The following PIEZO2 variants were observed in gnomAD, a reference collection of about 807,000 sequenced individuals.
PIEZO2 encodes the protein piezo-type mechanosensitive ion channel component 2.
PIEZO2 carries 172 observed loss-of-function variants against 337.3 expected under a neutral mutation model. That is an observed-to-expected ratio of 0.51 (90% CI 0.45 to 0.58). PIEZO2 has a LOEUF of 0.58. Ranked by LOEUF, PIEZO2 falls within the 20% of genes least tolerant of loss-of-function variation. The pLI is 0.00. For missense variants in PIEZO2, 3,028 were observed against 3,391.3 expected (o/e 0.89, Z 2.66); for synonymous variants, 1,251 against 1,228.5 (o/e 1.02, Z -0.38).
chr18:11,024,516 A>C (rs1479621509), intron 2 of PIEZO2, among the ~76,000 whole-genome samples: 2 of 144,576 alleles, frequency 1.4e-5, no homozygotes, highest in African/African-American at 2.6e-5. Flanking sequence ...ACTGCACTCC[A>C]GCCTGGGCGA....
chr18:10,991,694 G>A (rs2035111653), intron 2 of PIEZO2, among the ~76,000 whole-genome samples: 2 of 152,036 alleles, frequency 1.3e-5, no homozygotes, highest in African/African-American at 4.8e-5. Context: ...AATCTTACAT[G>A]TGCCTGTATC....
chr18:11,030,828 A>G (rs2036710190), intron 2 of PIEZO2, among the ~76,000 whole-genome samples: 1 of 152,198 alleles, frequency 6.6e-6, no homozygotes, highest in Admixed American at 6.5e-5. Flanking sequence ...TTATCTATAA[A>G]AACAAGCATC....
Position 10,982,228 on chromosome 18 carries a change from T to C in PIEZO2, c.161-2568A>G, listed in dbSNP as rs1168302682. ...CATTACTAGGTGTATTCGGGTTCTCTAGAGGGACAGGACTAATAAGATAGA... is the reference window on the plus strand; with the variant it reads ...CATTACTAGGTGTATTCGGGTTCTCCAGAGGGACAGGACTAATAAGATAGA... On this transcript the variant is annotated intron_variant, in intron 2 of 55. Coordinates refer to ENST00000674853, the MANE Select transcript of PIEZO2 (RefSeq NM_001378183.1). The surrounding 1 kb of genome is among the most constrained non-coding windows in gnomAD (Gnocchi z 4.1). Among the ~76,000 whole-genome samples the C allele has an allele frequency of 6.6e-6, 1 of 152,180 alleles. No homozygotes were observed. Among genetic ancestry groups the C allele is most frequent in the Non-Finnish European group, 1.5e-5 (1 of 68,034 alleles).
chr18:11,139,627 G>A (rs2040584121), intron 1 of PIEZO2, among the ~76,000 whole-genome samples: 1 of 152,046 alleles, frequency 6.6e-6, no homozygotes, highest in Non-Finnish European at 1.5e-5. Flanking sequence ...GTAATAAATA[G>A]CCATTTTATC....
chr18:10,887,812 C>T (rs565528450), intron 4 of PIEZO2, among the ~76,000 whole-genome samples: 1 of 152,260 alleles, frequency 6.6e-6, no homozygotes, highest in Non-Finnish European at 1.5e-5. Context: ...TGATCCTCAA[C>T]CTGGCTCATG....
intron 49 of PIEZO2, among the ~76,000 whole-genome samples, chr18:10,688,161 C>A (rs550924683): frequency 6.6e-6 from 1 of 152,044 alleles, no homozygotes; most frequent in African/African-American, 2.4e-5. Flanking sequence ...CCCCTTGCCC[C>A]CTACCCCCTG....
chr18:10,963,991 G>T (rs553606184), intron 3 of PIEZO2, among the ~76,000 whole-genome samples: 3 of 152,256 alleles, frequency 2.0e-5, no homozygotes, highest in East Asian at 1.9e-4. Flanking sequence ...GCTCTACAAG[G>T]TTCCCAAGAA....
intron 2 of PIEZO2, among the ~76,000 whole-genome samples, chr18:10,984,568 C>T (rs188768327): frequency 4.0e-4 from 61 of 152,006 alleles, no homozygotes; most frequent in Non-Finnish European, 7.9e-4. Flanking sequence ...TAATAAAAAA[C>T]GGTTTTTAAA....
chr18:10,761,806 C>T (rs1449589181), intron 23 of PIEZO2, among the ~76,000 whole-genome samples: 3 of 152,066 alleles, frequency 2.0e-5, no homozygotes, highest in African/African-American at 7.2e-5. Context: ...ATTTAAAAAT[C>T]CCAGGTGCTG....
rs537906488 is a variant in PIEZO2, at chr18:10,735,014, A to C, written c.4914+218T>G. On this transcript the variant is annotated intron_variant, in intron 35 of 55. Coordinates refer to ENST00000674853, the MANE Select transcript of PIEZO2 (RefSeq NM_001378183.1). The stretch of plus-strand genomic sequence containing the variant: ...TTTCTCTTTCTATTTTTCGATAGTT[A>C]CTGGTGTCCACTTAAGAGCAAGAGT... Among the ~76,000 whole-genome samples the C allele has an allele frequency of 1.3e-5, 2 of 152,334 alleles. 1 individual carries two copies. Among genetic ancestry groups the C allele is most frequent in the South Asian group, 4.1e-4 (2 of 4,830 alleles).
chr18:11,091,009 A>T (rs57296527), intron 1 of PIEZO2, among the ~76,000 whole-genome samples: 21,105 of 152,084 alleles, frequency 0.14, 3,122 homozygotes, highest in African/African-American at 0.38. Flanking sequence ...TAAAGATAAG[A>T]AATTCACAAA....
intron 1 of PIEZO2, among the ~76,000 whole-genome samples, chr18:11,115,021 C>G (rs1480827078): frequency 6.6e-6 from 1 of 152,186 alleles, no homozygotes; most frequent in African/African-American, 2.4e-5. Flanking sequence ...GTACTAAGAT[C>G]CTCTTCTTTT....
intron 1 of PIEZO2, among the ~76,000 whole-genome samples, chr18:11,106,908 G>T (rs1598969286): frequency 6.6e-6 from 1 of 152,172 alleles, no homozygotes; most frequent in Admixed American, 6.5e-5. Flanking sequence ...CACTGGAGTT[G>T]AGGCAGTTCG....
In PIEZO2 at chr18:10,682,270, T is replaced by C; in HGVS notation, c.7520A>G (p.Gln2507Arg). ...ATACTTCACCACTTTCTTCTTCTTC[T>C]GGCCCCGTGGCTGAGGGTATCTCTG... ...SEKRYPQPRG[Q>R]KKKKVVKYGM... is the part of the protein sequence containing the mutation. Residue 2507 changes from glutamine to arginine, a missense_variant, in exon 50 of 56, where the codon CAG (glutamine) becomes CGG (arginine). This residue lies in a region of PIEZO2 where 179 missense variants were observed against 281.8 expected (regional missense o/e 0.64). Coordinates refer to ENST00000674853, the MANE Select transcript of PIEZO2 (RefSeq NM_001378183.1). The surrounding 1 kb of genome is among the most constrained non-coding windows in gnomAD (Gnocchi z 5.6). 7 of 1,536,636 alleles carry C rather than the reference T, an allele frequency of 4.6e-6. No homozygotes were observed. Among genetic ancestry groups the C allele is most frequent in the Non-Finnish European group, 6.1e-6 (7 of 1,146,516 alleles).
At position 10,678,420 on chromosome 18, in the gene PIEZO2, A is replaced by G. The variant is rs368819756; in HGVS notation, c.7953-545T>C. ...AAATGGGATTGAAGGAGTTCTTTAC[A>G]TTCTGAACAGCCCCACTTTGTATTT... On this transcript the variant is annotated intron_variant, in intron 52 of 55. Coordinates refer to ENST00000674853, the MANE Select transcript of PIEZO2 (RefSeq NM_001378183.1). 6.6e-5 allele frequency among the ~76,000 whole-genome samples: 10 copies of G among 152,326 alleles called. No homozygotes were observed. The East Asian group carries it at 9.6e-4, about 15-fold the overall frequency.
Position 11,080,415 on chromosome 18 carries a change from G to A in PIEZO2, c.65-14193C>T, listed in dbSNP as rs1391623606. Reference sequence around the variant, plus strand: ...TACATGCTACTTCCTTGATTAGACTGTAACCCCCTTAAGAGTAGGGCTTTG... The same window carrying A: ...TACATGCTACTTCCTTGATTAGACTATAACCCCCTTAAGAGTAGGGCTTTG... On this transcript the variant is annotated intron_variant, in intron 1 of 55. Transcript: ENST00000674853. This position sits in a 1 kb window ranked among gnomAD's most constrained non-coding sequence, Gnocchi z 5.4. Among the ~76,000 whole-genome samples the A allele has an allele frequency of 6.6e-6, 1 of 152,184 alleles. No homozygotes were observed. The highest frequency in any genetic ancestry group is 1.5e-5 in the Non-Finnish European group (1 of 68,032).
Position 10,830,842 on chromosome 18 carries a change from T to C in PIEZO2, c.918-23568A>G, listed in dbSNP as rs145645815. Among the ~76,000 whole-genome samples, 2 of 152,072 alleles carry C rather than the reference T, an allele frequency of 1.3e-5. No individual in the cohort carries two copies. Among genetic ancestry groups the C allele is most frequent in the African/African-American group, 4.8e-5 (2 of 41,476 alleles). On this transcript the variant is annotated intron_variant, in intron 7 of 55. Transcript: ENST00000674853. The surrounding 1 kb of genome is among the most constrained non-coding windows in gnomAD (Gnocchi z 4.7). ...TCAAACAATTCAATAGGAAAAAAAA[T>C]CTAATAATCTGGTTAAAAATTTGGT...
rs1237133114 is a variant in PIEZO2, at chr18:10,854,132, T to G, written c.917+1221A>C. Among the ~76,000 whole-genome samples the G allele has an allele frequency of 6.6e-6, 1 of 152,184 alleles. No individual in the cohort carries two copies. Among genetic ancestry groups the G allele is most frequent in the African/African-American group, 2.4e-5 (1 of 41,450 alleles). Reference sequence around the variant, plus strand: ...CCACATTTTGAATTCTTTTGATTGTTTTTCTTGTGGAGCTATTTAAACTGT... The same window carrying G: ...CCACATTTTGAATTCTTTTGATTGTGTTTCTTGTGGAGCTATTTAAACTGT... On this transcript the variant is annotated intron_variant, in intron 7 of 55. Transcript: ENST00000674853. This position sits in a 1 kb window ranked among gnomAD's most constrained non-coding sequence, Gnocchi z 4.6.
In PIEZO2 at chr18:10,682,882, G is replaced by C. The variant is rs1166620211; in HGVS notation, c.7498-590C>G. Among the ~76,000 whole-genome samples, 1 of 152,102 alleles carries C rather than the reference G, an allele frequency of 6.6e-6. No individual in the cohort carries two copies. The highest frequency in any genetic ancestry group is 1.5e-5 in the Non-Finnish European group (1 of 68,032). On this transcript the variant is annotated intron_variant, in intron 49 of 55. Transcript: ENST00000674853. The surrounding 1 kb of genome is among the most constrained non-coding windows in gnomAD (Gnocchi z 5.6). ...GGAGAGGGCAGGTGCGTGTTGCAGGGGCTCACTCTCCTACAGGAGCCTGTG... is the reference window on the plus strand; with the variant it reads ...GGAGAGGGCAGGTGCGTGTTGCAGGCGCTCACTCTCCTACAGGAGCCTGTG...
Sources: gnomAD v4.1 joint callset for allele counts (sites outside exome capture counted in the v4.1 genomes callset) on GRCh38, gnomAD v4.1.1 for gene constraint, gnomAD v4.1.1 regional missense constraint, Gnocchi (gnomAD v3.1) non-coding constraint, MANE v1.5 for transcripts, NCBI Gene and HGNC (gene_info 2026-07-23, HGNC 2026-07-21) for gene names.